The following WDR45B variants were observed in gnomAD, a reference collection of about 807,000 sequenced individuals.
The protein encoded by WDR45B is WD repeat domain phosphoinositide-interacting protein 3.
In WDR45B, 20 loss-of-function variants were observed where a neutral mutation model predicts 44.6. The ratio of observed to expected loss-of-function variants is 0.45; its 90% CI spans 0.32 to 0.65. The LOEUF (loss-of-function observed/expected upper bound fraction) is 0.65, where lower values mean the gene tolerates loss of function less well. Ranked by LOEUF, WDR45B falls within the 30% of genes least tolerant of loss-of-function variation. The probability of loss-of-function intolerance (pLI) is 0.05; values close to 1 mark genes in which losing one functional copy is unlikely to be tolerated. For synonymous variants in WDR45B, 169 were observed against 164.9 expected (o/e 1.02, Z -0.19); for missense variants, 323 against 430.2 (o/e 0.75, Z 2.20).
intron 3 of WDR45B, among the ~76,000 whole-genome samples, chr17:82,627,889 T>C (rs1325534828): frequency 6.6e-6 from 1 of 152,254 alleles, no homozygotes; most frequent in African/African-American, 2.4e-5. Context: ...CAAATAAACC[T>C]GCATCAGGAA....
At chr17:82,638,703 G>A (rs754779989) in intron 2 of WDR45B, among the ~76,000 whole-genome samples, 17 of 151,958 alleles carry the variant, frequency 1.1e-4, no homozygotes, top group African/African-American at 2.7e-4. Context: ...CCTGTTTCTC[G>A]TTCCTATTTC....
intron 6 of WDR45B, among the ~76,000 whole-genome samples, chr17:82,619,576 A>T (rs1217532435): frequency 6.7e-6 from 1 of 149,808 alleles, no homozygotes; most frequent in African/African-American, 2.5e-5. Flanking sequence ...AAAAAAAAAT[A>T]AAAGGACTTA....
chr17:82,619,021 G>C, intron 7 of WDR45B, 22 bp downstream of exon 7: 5 of 1,612,498 alleles, frequency 3.1e-6, no homozygotes, highest in Non-Finnish European at 4.2e-6. Flanking sequence ...TTCTTCTCCG[G>C]TGAAGTTGGA....
chr17:82,624,150 G>A (rs910642248), intron 5 of WDR45B, among the ~76,000 whole-genome samples: 3 of 152,136 alleles, frequency 2.0e-5, no homozygotes, highest in African/African-American at 7.2e-5. Context: ...AAACACGGCC[G>A]AAGGGACCAA....
intron 3 of WDR45B, chr17:82,629,610 CCATTT>C: frequency 1.0e-6 from 1 of 985,486 alleles, no homozygotes; most frequent in Non-Finnish European, 1.2e-6. Flanking sequence ...TAATCTCTTC[CCATTT>C]CATTTCTCTG....
Position 82,621,693 on chromosome 17 carries a change from G to C in WDR45B, c.534C>G (p.Pro178=). ...LVDLASTEKP[P]VDIPAHEGVL... ...CACCCTCGTGTGCAGGAATGTCCAC[G>C]GGTGGCTTCTCCGTGCTGGCCAGGT... The change falls in exon 6 of 10, where the codon CCC becomes CCG. Residue 178 remains proline, a synonymous_variant. Transcript: ENST00000392325. The C allele has an allele frequency of 6.2e-7, 1 of 1,614,176 alleles. No homozygotes were observed. Among genetic ancestry groups the C allele is most frequent in the South Asian group, 1.1e-5 (1 of 91,072 alleles).
intron 9 of WDR45B, 118 bp from the exon 10 acceptor site, chr17:82,616,143 C>T (rs1178325015): frequency 1.0e-5 from 10 of 974,492 alleles, no homozygotes; most frequent in Non-Finnish European, 1.6e-5. Context: ...CTCTGAAAGC[C>T]CTGAAAGGCC....
intron 4 of WDR45B, chr17:82,626,980 GCCA>G: frequency 1.7e-6 from 1 of 577,548 alleles, no homozygotes; most frequent in Non-Finnish European, 3.1e-6. Flanking sequence ...CGTCATCCAC[GCCA>G]CCACCTACTT....
chr17:82,644,858 G>C (rs779181149), intron 1 of WDR45B, among the ~76,000 whole-genome samples: 2 of 152,150 alleles, frequency 1.3e-5, no homozygotes, highest in Non-Finnish European at 2.9e-5. Flanking sequence ...CAACACAAAG[G>C]CCTCTAAAAC....
At chr17:82,618,086 C>T (rs989893113) in intron 7 of WDR45B, among the ~76,000 whole-genome samples, 9 of 152,224 alleles carry the variant, frequency 5.9e-5, no homozygotes, top group African/African-American at 2.2e-4. Flanking sequence ...CACGCCACCA[C>T]GCCCAGCTAA....
intron 1 of WDR45B, among the ~76,000 whole-genome samples, chr17:82,646,143 C>T (rs1375777973): frequency 6.7e-6 from 1 of 148,466 alleles, no homozygotes; most frequent in African/African-American, 2.5e-5. Context: ...AAAAGATCTA[C>T]AACTATACTC....
At chr17:82,632,201 G>A (rs1475885660) in intron 2 of WDR45B, among the ~76,000 whole-genome samples, 2 of 151,856 alleles carry the variant, frequency 1.3e-5, no homozygotes, top group Non-Finnish European at 2.9e-5. Context: ...TTGCTGTGTT[G>A]CTCAGGCTTG....
intron 8 of WDR45B, 94 bp downstream of exon 8, chr17:82,617,202 C>T: frequency 1.8e-6 from 2 of 1,137,466 alleles, no homozygotes; most frequent in Non-Finnish European, 2.6e-6. Flanking sequence ...TCCACACCAC[C>T]CTGCTGGGGT....
At chr17:82,645,752 G>C (rs553805173) in intron 1 of WDR45B, among the ~76,000 whole-genome samples, 1 of 152,224 alleles carries the variant, frequency 6.6e-6, no homozygotes, top group African/African-American at 2.4e-5. Context: ...CCAAAAACTG[G>C]AACGTACCCA....
chr17:82,629,711 C>T (rs1041212369), intron 3 of WDR45B: 11 of 985,418 alleles, frequency 1.1e-5, no homozygotes, highest in Non-Finnish European at 1.3e-5. Context: ...TTCACGTTCA[C>T]GCAGTTCACG....
chr17:82,643,012 T>C (rs2045935817), intron 2 of WDR45B, among the ~76,000 whole-genome samples: 2 of 152,242 alleles, frequency 1.3e-5, no homozygotes, highest in East Asian at 1.9e-4. Flanking sequence ...TCATACAGTG[T>C]ATGTGGCATC....
At chr17:82,631,595 A>ATTTTTTTTTTT (rs2045768856) in intron 2 of WDR45B, among the ~76,000 whole-genome samples, 1 of 145,266 alleles carries the variant, frequency 6.9e-6, no homozygotes, top group Non-Finnish European at 1.5e-5. Context: ...TACAGGACTC[A>ATTTTTTTTTTT]TTTTTAATCA....
chr17:82,626,929 C>G, intron 4 of WDR45B: 1 of 511,388 alleles, frequency 2.0e-6, no homozygotes, highest in South Asian at 2.0e-5. Context: ...TGGGACATAA[C>G]TCACCACGGT....
intron 2 of WDR45B, among the ~76,000 whole-genome samples, chr17:82,633,978 G>A (rs1166764976): frequency 2.7e-5 from 4 of 150,630 alleles, no homozygotes; most frequent in South Asian, 2.1e-4. Flanking sequence ...GTGAAACCTC[G>A]TCTCTACTAA....
Sources: allele counts gnomAD v4.1 joint callset (sites outside exome capture counted in the v4.1 genomes callset), GRCh38; gene constraint gnomAD v4.1.1; transcripts MANE v1.5; gene names NCBI Gene and HGNC (gene_info 2026-07-23, HGNC 2026-07-21).